IFT46: variants seen among roughly 807,000 people sequenced by gnomAD.
IFT46 encodes the protein intraflagellar transport 46, also known as intraflagellar transport protein 46 homolog.
IFT46 carries 19 observed loss-of-function variants against 39.6 expected under a neutral mutation model. The ratio of observed to expected loss-of-function variants is 0.48; its 90% CI spans 0.33 to 0.70. IFT46 has a LOEUF of 0.70. Ranked by LOEUF, IFT46 falls within the 30% of genes least tolerant of loss-of-function variation. The probability of loss-of-function intolerance (pLI) is 0.01; values close to 1 mark genes in which losing one functional copy is unlikely to be tolerated. For missense variants in IFT46, 334 were observed against 364.8 expected (o/e 0.92, Z 0.69); for synonymous variants, 117 against 134.8 (o/e 0.87, Z 0.91).
intron 8 of IFT46, 80 bp from the exon 9 acceptor site, chr11:118,551,932 G>A (rs1555068569): frequency 4.4e-6 from 6 of 1,364,048 alleles, no homozygotes; most frequent in South Asian, 2.4e-5. Flanking sequence ...ATTCTAGGAT[G>A]AAGGAGAGGT....
At chr11:118,572,110 C>G (rs957768822) in intron 1 of IFT46, among the ~76,000 whole-genome samples, 1 of 146,778 alleles carries the variant, frequency 6.8e-6, no homozygotes, top group Non-Finnish European at 1.5e-5. Context: ...AAAAAAAGTT[C>G]TTTATATATT....
rs117311299 is a variant in IFT46 at position 118,545,675 on chromosome 11, G to A, written c.733+118C>T. 1,089 of 1,223,588 alleles carry A rather than the reference G, an allele frequency of 8.9e-4. 5 individuals carry two copies. Among genetic ancestry groups the A allele is most frequent in the East Asian group, 6.1e-3 (262 of 42,998 alleles). 75.8% of individuals were successfully genotyped at this position (1,223,588 alleles called of 1,614,324 possible). A position where few individuals can be genotyped will look rare whatever the true frequency, so the allele number is the denominator to read the frequency against. On this transcript the variant is annotated intron_variant, in intron 10 of 11. Coordinates refer to ENST00000264021, the MANE Select transcript of IFT46 (RefSeq NM_001168618.2). Reference sequence around the variant, plus strand: ...TTTGAGTGCTGCCAAAGAGCACAACGGGCTTAAAGTGAAGGCTGAAACTCA... The same window carrying A: ...TTTGAGTGCTGCCAAAGAGCACAACAGGCTTAAAGTGAAGGCTGAAACTCA...
intron 7 of IFT46, 40 bp downstream of exon 7, chr11:118,554,419 G>T: frequency 6.5e-7 from 1 of 1,549,546 alleles, no homozygotes; most frequent in Non-Finnish European, 8.7e-7. Flanking sequence ...TCCACTCTTG[G>T]CCCTCTCCAG....
chr11:118,559,698 G>A, intron 3 of IFT46, 87 bp downstream of exon 3: 1 of 1,048,170 alleles, frequency 9.5e-7, no homozygotes, highest in Admixed American at 1.7e-5. Flanking sequence ...GAGTGTTCAA[G>A]AAATGTTTAC....
chr11:118,561,469 T>C, intron 2 of IFT46: 4 of 778,768 alleles, frequency 5.1e-6, no homozygotes, highest in Non-Finnish European at 9.0e-6. Flanking sequence ...AGAAAGAAGT[T>C]AAAAAGAATA....
At chr11:118,560,031 C>T (rs1297683235) in intron 2 of IFT46, 167 bp from the exon 3 acceptor site, 1 of 603,118 alleles carries the variant, frequency 1.7e-6, no homozygotes, top group Non-Finnish European at 2.9e-6. Context: ...TCTGCCAGTT[C>T]AATTCAAGAT....
chr11:118,552,674 T>C (rs1190035193), intron 7 of IFT46, among the ~76,000 whole-genome samples: 1 of 152,010 alleles, frequency 6.6e-6, no homozygotes, highest in African/African-American at 2.4e-5. Context: ...GTGCCTGTGG[T>C]CTCAGCTACT....
At chr11:118,554,872 C>T in intron 6 of IFT46, 118 bp downstream of exon 6, 1 of 785,836 alleles carries the variant, frequency 1.3e-6, no homozygotes, top group Non-Finnish European at 2.1e-6. Flanking sequence ...GTTAAGAACT[C>T]CAATGAAATG....
At chr11:118,558,613 A>G (rs1937922281) in intron 3 of IFT46, among the ~76,000 whole-genome samples, 1 of 150,822 alleles carries the variant, frequency 6.6e-6, no homozygotes, top group Non-Finnish European at 1.5e-5. Flanking sequence ...AAAAACAAAA[A>G]CCATTAAAAT....
upstream of IFT46, among the ~76,000 whole-genome samples, chr11:118,569,706 T>G (rs1172720581): frequency 6.6e-6 from 1 of 152,150 alleles, no homozygotes; most frequent in Non-Finnish European, 1.5e-5. Flanking sequence ...GATTTCCTCA[T>G]GTGTAAAATG....
rs185681574 is a variant in IFT46, at chr11:118,561,090, T to C, written c.-35-1226A>G. 2.8e-4 allele frequency: 425 copies of C among 1,524,700 alleles called. 1 individual carries two copies. The African/African-American group carries it at 4.8e-3, about 17-fold the overall frequency. 94.4% of individuals were successfully genotyped at this position (1,524,700 alleles called of 1,614,324 possible). On this transcript the variant is annotated intron_variant, in intron 2 of 11. Coordinates refer to ENST00000264021, the MANE Select transcript of IFT46 (RefSeq NM_001168618.2). ...GGCAATGAATACAATGTGGAAAGCA[T>C]TGATGGTCAGCCAGGTGCCTTTACC...
chr11:118,552,007 G>A (rs1367001936), intron 8 of IFT46, among the ~76,000 whole-genome samples, 155 bp from the exon 9 acceptor site: 2 of 152,150 alleles, frequency 1.3e-5, no homozygotes, highest in East Asian at 3.9e-4. Flanking sequence ...AGTTACCCAG[G>A]GCCTGGGGTT....
chr11:118,545,418 C>A lies in IFT46; in HGVS notation c.810G>T (p.Lys270Asn). 6.2e-7 allele frequency: 1 copy of A among 1,611,284 alleles called. No individual in the cohort carries two copies. The highest frequency in any genetic ancestry group is 8.5e-7 in the Non-Finnish European group (1 of 1,177,514). ...HLLFSLYSEFKNSQHFKALAE... is the reference protein window; with the variant it reads ...HLLFSLYSEFNNSQHFKALAE... ...CTGATGCTTGGCTCACCTGTGAGTT[C>A]TTGAATTCTGAGTAGAGGGAAAAGA... is the stretch of plus-strand genomic sequence containing the variant. Residue 270 changes from lysine to asparagine, a missense_variant, in exon 11 of 12, where the codon AAG becomes AAT. Lys to Asn is a moderately conservative substitution (Grantham distance 94, BLOSUM62 0). Coordinates refer to ENST00000264021, the MANE Select transcript of IFT46 (RefSeq NM_001168618.2).
rs557195802 is a variant in IFT46 at position 118,555,287 on chromosome 11, A to G, written c.221T>C (p.Val74Ala). 6.2e-7 allele frequency: 1 copy of G among 1,614,138 alleles called. No homozygotes were observed. The highest frequency in any genetic ancestry group is 1.1e-5 in the South Asian group (1 of 91,078). Residue 74 changes from valine (V) to alanine (A), a missense_variant, in exon 5 of 12, where the codon GTT (valine) becomes GCT (alanine). Coordinates refer to ENST00000264021, the MANE Select transcript of IFT46 (RefSeq NM_001168618.2). ...YDPADYEHLP[V>A]SAEIKELFQY... ...GAAGAGTTCCTTAATTTCAGCAGAAACTGGCAAATGCTCATAGTCTGCAGG... is the reference window on the plus strand; with the variant it reads ...GAAGAGTTCCTTAATTTCAGCAGAAGCTGGCAAATGCTCATAGTCTGCAGG...
chr11:118,559,108 TC>T (rs1386356789), intron 3 of IFT46, among the ~76,000 whole-genome samples: 36 of 151,876 alleles, frequency 2.4e-4, no homozygotes, highest in African/African-American at 8.7e-4. Flanking sequence ...CCTCAGGTGA[TC>T]CGCCCGCCTC....
chr11:118,545,386 T>A, intron 11 of IFT46, 23 bp downstream of exon 11: 1 of 1,539,206 alleles, frequency 6.5e-7, no homozygotes, highest in Non-Finnish European at 9.0e-7. Flanking sequence ...ACAGCTTAAG[T>A]CAACCCCTGA....
At chr11:118,550,584 A>G (rs1172416966) in intron 9 of IFT46, among the ~76,000 whole-genome samples, 2 of 152,108 alleles carry the variant, frequency 1.3e-5, no homozygotes, top group Non-Finnish European at 2.9e-5. Context: ...AAATTATAGG[A>G]CTACAGGCAT....
chr11:118,560,073 T>C, intron 2 of IFT46: 1 of 560,938 alleles, frequency 1.8e-6, no homozygotes, highest in Non-Finnish European at 3.2e-6. Context: ...GCTTAAGGCA[T>C]TGGGTTAGAC....
rs781891154 is a variant in IFT46 at position 118,556,989 on chromosome 11, ATCC to A, written c.99_101del (p.Glu33del). 1 of 1,613,180 alleles carries A rather than the reference ATCC, an allele frequency of 6.2e-7. No individual in the cohort carries two copies. Among genetic ancestry groups the A allele is most frequent in the South Asian group, 1.1e-5 (1 of 90,922 alleles). ...ATGAATCATCATCATCATCATCGTC[ATCC>A]TCATTTTCACTAAAGCCCCGTTGAG... On this transcript the variant is annotated inframe_deletion, in exon 4 of 12. Coordinates refer to ENST00000264021, the MANE Select transcript of IFT46 (RefSeq NM_001168618.2).
Sources: gnomAD v4.1 joint callset for allele counts (sites outside exome capture counted in the v4.1 genomes callset) on GRCh38, gnomAD v4.1.1 for gene constraint, MANE v1.5 for transcripts, NCBI Gene and HGNC (gene_info 2026-07-23, HGNC 2026-07-21) for gene names.